Variants in TMEM178B observed in about 807,000 individuals in gnomAD.
TMEM178B encodes the protein transmembrane protein 178B.
Under a neutral mutation model 31.0 loss-of-function variants are expected in TMEM178B, and 5 were observed. The ratio of observed to expected loss-of-function variants is 0.16; its 90% confidence interval spans 0.08 to 0.34. The LOEUF (loss-of-function observed/expected upper bound fraction) is 0.34, where lower values mean the gene tolerates loss of function less well. TMEM178B is among the 10% of genes least tolerant of loss of function. TMEM178B has a pLI of 1.00. For synonymous variants in TMEM178B, 164 were observed against 164.0 expected, an observed-to-expected ratio of 1.00 and a Z score of 0.00; for missense variants, 275 against 400.3, an observed-to-expected ratio of 0.69 and a Z score of 2.67.
At chr7:141,333,323 A>G (rs1036524741) in intron 2 of TMEM178B, among the ~76,000 whole-genome samples, 1 of 152,242 alleles carries the variant, frequency 6.6e-6, no homozygotes, top group Admixed American at 6.5e-5. Context: ...GTCACAGCCA[A>G]GCACAGCTAC....
chr7:141,491,634 C>G, the TMEM178B span, among the ~76,000 whole-genome samples: 1 of 151,826 alleles, frequency 6.6e-6, no homozygotes, highest in Non-Finnish European at 1.5e-5. Flanking sequence ...TTAATTGTCT[C>G]TCTCAATCTC....
chr7:141,116,342 A>G (rs1480549753), intron 1 of TMEM178B, among the ~76,000 whole-genome samples: 2 of 152,248 alleles, frequency 1.3e-5, no homozygotes, highest in East Asian at 3.9e-4. Context: ...GGAAGCTCAG[A>G]GATGGAGGTG....
At chr7:141,510,685 C>CAAAAAAAAA in the TMEM178B span, among the ~76,000 whole-genome samples, 2,963 of 24,948 alleles carry the variant, frequency 0.12, 950 homozygotes, top group Non-Finnish European at 0.16. Flanking sequence ...AACTCCGTCT[C>CAAAAAAAAA]AAAAAAAAAA....
intron 2 of TMEM178B, among the ~76,000 whole-genome samples, chr7:141,323,604 T>C (rs1333796238): frequency 6.6e-6 from 1 of 152,226 alleles, no homozygotes; most frequent in African/African-American, 2.4e-5. Flanking sequence ...TATTAACTTG[T>C]AATTAACAGT....
At chr7:141,193,888 C>T (rs1796737945) in intron 1 of TMEM178B, among the ~76,000 whole-genome samples, 1 of 152,216 alleles carries the variant, frequency 6.6e-6, no homozygotes, top group Non-Finnish European at 1.5e-5. Context: ...TATTGCCATT[C>T]CGGGCCTTGT....
At chr7:141,436,271 G>A (rs1586959172) in intron 2 of TMEM178B, among the ~76,000 whole-genome samples, 1 of 152,172 alleles carries the variant, frequency 6.6e-6, no homozygotes, top group African/African-American at 2.4e-5. Context: ...TGTTTCTCAG[G>A]GTTGAGAAAA....
intron 1 of TMEM178B, among the ~76,000 whole-genome samples, chr7:141,180,009 C>A (rs1278257574): frequency 2.0e-5 from 3 of 152,126 alleles, no homozygotes; most frequent in Non-Finnish European, 4.4e-5. Flanking sequence ...CCATCTCAGC[C>A]CATTTTTAAG....
chr7:141,132,878 C>G (rs1795616007), intron 1 of TMEM178B, among the ~76,000 whole-genome samples: 1 of 152,226 alleles, frequency 6.6e-6, no homozygotes, highest in African/African-American at 2.4e-5. Context: ...TGTCTGATGA[C>G]CAGTCTGCCT....
intron 1 of TMEM178B, among the ~76,000 whole-genome samples, chr7:141,133,205 G>T (rs1456127511): frequency 6.6e-6 from 1 of 151,792 alleles, no homozygotes; most frequent in East Asian, 1.9e-4. Context: ...ACCTATAAAA[G>T]AATAAAATAA....
intron 2 of TMEM178B, among the ~76,000 whole-genome samples, chr7:141,223,614 G>GCTGAGC (rs1797291536): frequency 6.6e-6 from 1 of 151,502 alleles, no homozygotes; most frequent in Admixed American, 6.6e-5. Context: ...AGCCTTCCAC[G>GCTGAGC]TGCTGAGCTA....
At chr7:141,410,013 C>T (rs147953237) in intron 2 of TMEM178B, among the ~76,000 whole-genome samples, 27 of 152,308 alleles carry the variant, frequency 1.8e-4, no homozygotes, top group Non-Finnish European at 2.5e-4. Flanking sequence ...GCTCAGCAGC[C>T]GCCAGGCCAT....
chr7:141,140,300 G>A (rs1795749978), intron 1 of TMEM178B, among the ~76,000 whole-genome samples: 1 of 152,188 alleles, frequency 6.6e-6, no homozygotes, highest in Non-Finnish European at 1.5e-5. Flanking sequence ...AGACCTTCAA[G>A]TGCAGGCTTA....
In TMEM178B at chr7:141,285,327, A is replaced by AT. The variant is rs914086668; in HGVS notation, c.496+72635dup. On this transcript the variant is annotated intron_variant, in intron 2 of 3. Coordinates refer to ENST00000565468, the MANE Select transcript of TMEM178B (RefSeq NM_001195278.2). Reference sequence around the variant, plus strand: ...CACCACATCCTGCTAATTTTTTTGTATTTTTTTTTTTTAGTGGAGACAGGG... The same window carrying AT: ...CACCACATCCTGCTAATTTTTTTGTATTTTTTTTTTTTTAGTGGAGACAGGG... 9.2e-4 allele frequency among the ~76,000 whole-genome samples: 126 copies of AT among 137,542 alleles called. 1 individual carries two copies. Among genetic ancestry groups the AT allele is most frequent in the Admixed American group, 1.6e-3 (22 of 13,896 alleles). The allele number at this position is 137,542 out of a possible 152,430, so 90.2% of individuals were successfully genotyped here.
chr7:141,380,320 G>T (rs955426986), intron 2 of TMEM178B, among the ~76,000 whole-genome samples: 2 of 152,128 alleles, frequency 1.3e-5, no homozygotes, highest in Non-Finnish European at 2.9e-5. Context: ...TTTTTGTGAA[G>T]ACCTTCCTAA....
chr7:141,465,721 T>C (rs1802137810), intron 3 of TMEM178B, among the ~76,000 whole-genome samples: 1 of 152,158 alleles, frequency 6.6e-6, no homozygotes, highest in South Asian at 2.1e-4. Context: ...TACATAAAAA[T>C]ATAAATTATT....
At chr7:141,204,513 C>T (rs958212449) in intron 1 of TMEM178B, among the ~76,000 whole-genome samples, 3 of 152,112 alleles carry the variant, frequency 2.0e-5, no homozygotes, top group African/African-American at 4.8e-5. Flanking sequence ...CGGAGGTGAA[C>T]GGAGGGGATG....
chr7:141,179,664 G>T (rs1157764977), intron 1 of TMEM178B, among the ~76,000 whole-genome samples: 11 of 152,186 alleles, frequency 7.2e-5, no homozygotes, highest in African/African-American at 2.4e-4. Flanking sequence ...GATTTAAGTG[G>T]TTAGGGACAG....
At chr7:141,345,746 T>C (rs563230184) in intron 2 of TMEM178B, among the ~76,000 whole-genome samples, 1 of 152,302 alleles carries the variant, frequency 6.6e-6, no homozygotes, top group East Asian at 1.9e-4. Context: ...TTATAAGTAT[T>C]TACTAAAAAA....
At position 141,472,943 on chromosome 7, in the gene TMEM178B, C is replaced by G. The variant is rs1179862251; in HGVS notation, c.*2157C>G. The stretch of plus-strand genomic sequence containing the variant: ...TGCACACAGGTGTGGGTGCCCTACT[C>G]AAGACTTCCTTACCGGGGACTCTGG... On this transcript the variant is annotated 3_prime_UTR_variant, in exon 4 of 4. Transcript: ENST00000565468. The G allele has an allele frequency of 6.6e-6, 1 of 152,162 alleles. No individual in the cohort carries two copies. Among genetic ancestry groups the G allele is most frequent in the Non-Finnish European group, 1.5e-5 (1 of 68,064 alleles). 9.4% of individuals were successfully genotyped at this position (152,162 alleles called of 1,614,324 possible). A position where few individuals can be genotyped will look rare whatever the true frequency, so the allele number is the denominator to read the frequency against.
Sources: allele counts gnomAD v4.1 joint callset (sites outside exome capture counted in the v4.1 genomes callset), GRCh38; gene constraint gnomAD v4.1.1; transcripts MANE v1.5; gene names NCBI Gene and HGNC (gene_info 2026-07-23, HGNC 2026-07-21).